Variants in DPH6 observed in about 807,000 individuals in gnomAD.
DPH6 encodes the protein diphthamine biosynthesis 6.
In DPH6, 33 loss-of-function variants were observed where a neutral mutation model predicts 38.2. The ratio of observed to expected loss-of-function variants is 0.86; its 90% CI spans 0.65 to 1.15. The LOEUF (loss-of-function observed/expected upper bound fraction) is 1.15, where lower values mean the gene tolerates loss of function less well. DPH6 is among the 50% of genes most tolerant of loss of function. DPH6 has a pLI of 0.00. For missense variants in DPH6, 325 were observed against 320.0 expected, an observed-to-expected ratio of 1.02 and a Z score of -0.12; for synonymous variants, 108 against 103.0, an observed-to-expected ratio of 1.05 and a Z score of -0.30.
chr15:35,296,992 T>C (rs1351783677), intron 3 of DPH6, among the ~76,000 whole-genome samples: 1 of 152,102 alleles, frequency 6.6e-6, no homozygotes, highest in East Asian at 1.9e-4. Context: ...ACCAAGTCCA[T>C]AGCCTGATGA....
chr15:35,444,261 G>C (rs879404857), intron 5 of DPH6, among the ~76,000 whole-genome samples: 9 of 152,136 alleles, frequency 5.9e-5, no homozygotes, highest in Admixed American at 3.3e-4. Context: ...AAAGTTATTG[G>C]CTTCCAGATG....
chr15:35,401,516 G>A (rs559934893), intron 6 of DPH6: 7 of 771,318 alleles, frequency 9.1e-6, no homozygotes, highest in Middle Eastern at 3.5e-4. Context: ...AGCTATGACA[G>A]CTATAACAAT....
chr15:35,273,899 A>G (rs559277307), intron 3 of DPH6, among the ~76,000 whole-genome samples: 1 of 152,348 alleles, frequency 6.6e-6, no homozygotes, highest in East Asian at 1.9e-4. Flanking sequence ...AAGTAGAAAA[A>G]AACTACTTTA....
At chr15:35,201,224 A>G in the DPH6 span, among the ~76,000 whole-genome samples, 1 of 151,636 alleles carries the variant, frequency 6.6e-6, no homozygotes, top group Non-Finnish European at 1.5e-5. Context: ...GCAAAATCTT[A>G]TATTATCCTT....
At chr15:35,473,955 TGTGC>T (rs748820271) in intron 3 of DPH6, among the ~76,000 whole-genome samples, 686 of 26,726 alleles carry the variant, frequency 0.026, 6 homozygotes, top group African/African-American at 0.034. Flanking sequence ...TGTGTGTGTG[TGTGC>T]GCGCGCGCGC....
At chr15:35,157,743 CT>C in the DPH6 span, among the ~76,000 whole-genome samples, 5 of 152,034 alleles carry the variant, frequency 3.3e-5, no homozygotes, top group African/African-American at 1.2e-4. Context: ...CAAATTGACC[CT>C]GAATCTTAGT....
At chr15:35,531,973 T>C (rs1378627821) in intron 3 of DPH6, among the ~76,000 whole-genome samples, 1 of 151,514 alleles carries the variant, frequency 6.6e-6, no homozygotes, top group Non-Finnish European at 1.5e-5. Flanking sequence ...CACAGTAGAG[T>C]TATAGACAAG....
chr15:35,384,561 G>T (rs955622165), intron 6 of DPH6, among the ~76,000 whole-genome samples: 1 of 152,182 alleles, frequency 6.6e-6, no homozygotes, highest in African/African-American at 2.4e-5. Context: ...TACTCAGGAG[G>T]CTGAGGCAGG....
At chr15:35,156,834 T>C in the DPH6 span, among the ~76,000 whole-genome samples, 6 of 152,326 alleles carry the variant, frequency 3.9e-5, no homozygotes, top group East Asian at 1.9e-4. Flanking sequence ...TACACATTTA[T>C]GGGAGTTGTC....
intron 3 of DPH6, among the ~76,000 whole-genome samples, chr15:35,353,126 G>T (rs1173903139): frequency 6.6e-6 from 1 of 151,870 alleles, no homozygotes; most frequent in Non-Finnish European, 1.5e-5. Flanking sequence ...TGATGGGGTT[G>T]TTTGTTTTTT....
chr15:35,473,804 T>G (rs559039839), intron 3 of DPH6, among the ~76,000 whole-genome samples: 15 of 152,086 alleles, frequency 9.9e-5, no homozygotes, highest in Admixed American at 8.5e-4. Context: ...AATATATACA[T>G]ATAATGGACT....
chr15:35,285,953 C>CTCAT (rs1172628362), intron 3 of DPH6, among the ~76,000 whole-genome samples: 1 of 136,042 alleles, frequency 7.4e-6, no homozygotes, highest in Non-Finnish European at 1.5e-5. Context: ...ATAATAAGAG[C>CTCAT]TCATAGAGGC....
chr15:35,453,917 AT>A (rs1555403127), intron 4 of DPH6, among the ~76,000 whole-genome samples: 1 of 152,072 alleles, frequency 6.6e-6, no homozygotes, highest in Non-Finnish European at 1.5e-5. Context: ...ATCTTATTCT[AT>A]TTATCCTTTT....
At chr15:35,207,630 A>G in the DPH6 span, among the ~76,000 whole-genome samples, 1 of 152,226 alleles carries the variant, frequency 6.6e-6, no homozygotes, top group Non-Finnish European at 1.5e-5. Flanking sequence ...AGAAAATTAT[A>G]AAATGATAAT....
Position 35,484,208 on chromosome 15 carries a change from G to C in DPH6, c.313-29388C>G, listed in dbSNP as rs749990849. Among the ~76,000 whole-genome samples the C allele has an allele frequency of 5.9e-5, 9 of 152,352 alleles. No homozygotes were observed. In the South Asian group the frequency reaches 1.5e-3, roughly 25 times the overall value. On this transcript the variant is annotated intron_variant, in intron 3 of 8. Coordinates refer to ENST00000256538, the MANE Select transcript of DPH6 (RefSeq NM_080650.4). ...ACAATGAATAAGAGGTAGGGAAATA[G>C]TGATGGAACAAGTTTAGCAATATAT...
chr15:35,280,679 T>G (rs2051892526), intron 3 of DPH6, among the ~76,000 whole-genome samples: 1 of 152,202 alleles, frequency 6.6e-6, no homozygotes, highest in African/African-American at 2.4e-5. Context: ...CAAACTTAAA[T>G]TTCTAGAAGC....
At chr15:35,413,936 T>C (rs2053403734) in intron 5 of DPH6, among the ~76,000 whole-genome samples, 3 of 151,682 alleles carry the variant, frequency 2.0e-5, no homozygotes, top group Admixed American at 6.6e-5. Context: ...TCATCTGTGA[T>C]TTTTTACATA....
chr15:35,236,758 G>A (rs2051555160), intron 3 of DPH6, among the ~76,000 whole-genome samples: 1 of 151,966 alleles, frequency 6.6e-6, no homozygotes, highest in East Asian at 1.9e-4. Context: ...TTGTGGACCT[G>A]TAAACCAGTA....
intron 3 of DPH6, among the ~76,000 whole-genome samples, chr15:35,288,532 G>T (rs931940721): frequency 6.6e-6 from 1 of 151,876 alleles, no homozygotes; most frequent in Non-Finnish European, 1.5e-5. Context: ...CTTCCTAACC[G>T]CTTCCTATTT....
Sources: gnomAD v4.1 joint callset for allele counts (sites outside exome capture counted in the v4.1 genomes callset) on GRCh38, gnomAD v4.1.1 for gene constraint, MANE v1.5 for transcripts, NCBI Gene and HGNC (gene_info 2026-07-23, HGNC 2026-07-21) for gene names.